TRPC4: variants seen among roughly 807,000 people sequenced by gnomAD.
TRPC4 encodes the protein short transient receptor potential channel 4.
A neutral mutation model predicts 99.4 loss-of-function variants in TRPC4; 49 were observed. The observed-to-expected ratio is 0.49, with a 90% CI of 0.39 to 0.63. The LOEUF (loss-of-function observed/expected upper bound fraction) is 0.63, where lower values mean the gene tolerates loss of function less well. Among genes scored for constraint, TRPC4 ranks in the 20% least tolerant of loss-of-function variants. The pLI is 0.00. For synonymous variants in TRPC4, 454 were observed against 425.9 expected (o/e 1.07, Z -0.81); for missense variants, 898 against 1,152.9 (o/e 0.78, Z 3.20).
rs953517468 is a variant in TRPC4, at chr13:37,633,502, G to T, written c.*3401C>A. Among the ~76,000 whole-genome samples the T allele has an allele frequency of 3.9e-5, 6 of 152,074 alleles. No individual in the cohort carries two copies. Among genetic ancestry groups the T allele is most frequent in the African/African-American group, 1.2e-4 (5 of 41,418 alleles). On this transcript the variant is annotated 3_prime_UTR_variant, in exon 11 of 11. Transcript: ENST00000379705. Reference sequence around the variant, plus strand: ...CTCAGCTAAATCCCAGAGTTATTAAGGATTATTGAATGTTAGAAGAATATA... The same window carrying T: ...CTCAGCTAAATCCCAGAGTTATTAATGATTATTGAATGTTAGAAGAATATA...
intron 6 of TRPC4, among the ~76,000 whole-genome samples, chr13:37,662,262 A>C (rs1952473288): frequency 6.6e-6 from 1 of 152,052 alleles, no homozygotes; most frequent in South Asian, 2.1e-4. Flanking sequence ...GTGAGCCAAG[A>C]TCACACCACT....
intron 1 of TRPC4, among the ~76,000 whole-genome samples, chr13:37,822,428 A>G (rs1320206368): frequency 2.6e-5 from 2 of 77,358 alleles, no homozygotes; most frequent in Non-Finnish European, 5.4e-5. Flanking sequence ...CTCCCCCCCC[A>G]CCCCACAACA....
At chr13:37,800,558 A>AT (rs1016691879) in intron 1 of TRPC4, among the ~76,000 whole-genome samples, 45 of 152,266 alleles carry the variant, frequency 3.0e-4, no homozygotes, top group African/African-American at 1.1e-3. Context: ...AAAAAGTATG[A>AT]TTTTTTATAA....
rs753311109 is a variant in TRPC4 at position 37,634,644 on chromosome 13, G to A, written c.*2259C>T. On this transcript the variant is annotated 3_prime_UTR_variant, in exon 11 of 11. Coordinates refer to ENST00000379705, the MANE Select transcript of TRPC4 (RefSeq NM_016179.4). Reference sequence around the variant, plus strand: ...AGAGAGAATTTGAAATTAAATTCTGGTAAAGTATGTAAAATGGTTATGTAT... The same window carrying A: ...AGAGAGAATTTGAAATTAAATTCTGATAAAGTATGTAAAATGGTTATGTAT... 9.2e-5 allele frequency among the ~76,000 whole-genome samples: 14 copies of A among 152,024 alleles called. No individual in the cohort carries two copies. The highest frequency in any genetic ancestry group is 9.2e-4 in the Admixed American group (14 of 15,232).
chr13:37,835,467 C>T (rs1252727591), intron 1 of TRPC4, among the ~76,000 whole-genome samples: 3 of 152,170 alleles, frequency 2.0e-5, no homozygotes, highest in Non-Finnish European at 4.4e-5. Context: ...CTTTATGATG[C>T]TGTACAAACA....
At chr13:37,692,473 G>C (rs112197615) in intron 3 of TRPC4, 138 bp from the exon 4 acceptor site, 14 of 815,228 alleles carry the variant, frequency 1.7e-5, no homozygotes, top group African/African-American at 1.0e-4. Context: ...CAATCAAAAG[G>C]CTTTAAGTCA....
In TRPC4 at chr13:37,663,486, A is replaced by G. The variant is rs1388470526; in HGVS notation, c.1618T>C (p.Tyr540His). The G allele has an allele frequency of 1.2e-6, 2 of 1,614,102 alleles. No individual in the cohort carries two copies. The highest frequency in any genetic ancestry group is 1.7e-5 in the Admixed American group (1 of 60,008). The part of the protein sequence containing the change: ...FANGLNQLYF[Y>H]YEETKGLTCK... The stretch of plus-strand genomic sequence containing the variant: ...GTTAACCCTTTCGTTTCTTCATAAT[A>G]GAAGTACAATTGATTTAGGCCATTT... Residue 540 changes from tyrosine (Y) to histidine (H), a missense_variant, in exon 6 of 11, where the codon TAT becomes CAT. Tyr to His is a moderately conservative substitution (Grantham distance 83). Transcript: ENST00000379705.
intron 1 of TRPC4, among the ~76,000 whole-genome samples, chr13:37,866,046 T>C (rs1291990393): frequency 4.0e-5 from 6 of 151,808 alleles, no homozygotes; most frequent in Non-Finnish European, 8.9e-5. Flanking sequence ...TGATAGTATT[T>C]GCTTGAAGTA....
intron 3 of TRPC4, among the ~76,000 whole-genome samples, chr13:37,706,246 T>C (rs1229974442): frequency 6.6e-6 from 1 of 152,206 alleles, no homozygotes; most frequent in South Asian, 2.1e-4. Flanking sequence ...AGGCATTAAC[T>C]GCTCATGTAA....
Position 37,796,968 on chromosome 13 carries a change from ATAAAGTAAAG to A in TRPC4, c.-27-13618_-27-13609del, listed in dbSNP as rs548354406. On this transcript the variant is annotated intron_variant, in intron 1 of 10. Coordinates refer to ENST00000379705, the MANE Select transcript of TRPC4 (RefSeq NM_016179.4). ...ATAAAATAAAATAAAATAAAATAAA[ATAAAGTAAAG>A]TAAAGTAAAGTAAAGTAAAGTAAAG... Among the ~76,000 whole-genome samples the A allele has an allele frequency of 4.2e-4, 48 of 115,120 alleles. 2 individuals carry two copies. Among genetic ancestry groups the A allele is most frequent in the African/African-American group, 1.6e-3 (41 of 26,226 alleles). 75.5% of individuals were successfully genotyped at this position (115,120 alleles called of 152,430 possible). A position where few individuals can be genotyped will look rare whatever the true frequency, so the allele number is the denominator to read the frequency against.
intron 2 of TRPC4, among the ~76,000 whole-genome samples, chr13:37,760,291 T>C (rs1268100262): frequency 6.6e-6 from 1 of 151,932 alleles, no homozygotes; most frequent in African/African-American, 2.4e-5. Flanking sequence ...CATTAAACTT[T>C]CCATACAGCT....
In TRPC4 at chr13:37,869,755, C is replaced by A. The variant is rs560387531; in HGVS notation, c.-188G>T. On this transcript the variant is annotated 5_prime_UTR_variant, in exon 1 of 11. Coordinates refer to ENST00000379705, the MANE Select transcript of TRPC4 (RefSeq NM_016179.4). ...GGAAAACGATCGAAGCTGGAGCCCA[C>A]GCAGCTGGCACCGAACTGGGCGGAG... is the stretch of plus-strand genomic sequence containing the variant. 6.6e-6 allele frequency: 1 copy of A among 152,222 alleles called. No individual in the cohort carries two copies. The highest frequency in any genetic ancestry group is 2.1e-4 in the South Asian group (1 of 4,816). The allele number at this position is 152,222 out of a possible 1,614,324, so 9.4% of individuals were successfully genotyped here. A position where few individuals can be genotyped will look rare whatever the true frequency, so the allele number is the denominator to read the frequency against.
chr13:37,732,815 T>C (rs897826639), intron 3 of TRPC4, among the ~76,000 whole-genome samples: 9 of 152,090 alleles, frequency 5.9e-5, no homozygotes, highest in African/African-American at 2.2e-4. Context: ...AAATAGTAGA[T>C]GACATAAACA....
intron 1 of TRPC4, among the ~76,000 whole-genome samples, chr13:37,822,635 G>A (rs1333283254): frequency 6.6e-6 from 1 of 151,720 alleles, no homozygotes; most frequent in African/African-American, 2.4e-5. Flanking sequence ...ATTCCATGGT[G>A]TATATGTGCC....
At chr13:37,783,887 T>C (rs956926006) in intron 1 of TRPC4, among the ~76,000 whole-genome samples, 1 of 152,048 alleles carries the variant, frequency 6.6e-6, no homozygotes. Flanking sequence ...TTGTTTTTTT[T>C]GGTAGAGACA....
intron 2 of TRPC4, among the ~76,000 whole-genome samples, chr13:37,781,864 C>T (rs1956850633): frequency 6.6e-6 from 1 of 151,842 alleles, no homozygotes; most frequent in Admixed American, 6.6e-5. Flanking sequence ...AGTTCTTTTC[C>T]TAATAATGGC....
chr13:37,762,921 T>C (rs1056197595), intron 2 of TRPC4, among the ~76,000 whole-genome samples: 4 of 150,682 alleles, frequency 2.7e-5, no homozygotes, highest in African/African-American at 9.7e-5. Flanking sequence ...GCAAAAGGGG[T>C]TATAAAGGAT....
In TRPC4 at chr13:37,635,629, T is replaced by C. The variant is rs911615326; in HGVS notation, c.*1274A>G. 3.3e-5 allele frequency among the ~76,000 whole-genome samples: 5 copies of C among 152,140 alleles called. No homozygotes were observed. Among genetic ancestry groups the C allele is most frequent in the African/African-American group, 9.7e-5 (4 of 41,436 alleles). ...TGATTTGAAATAAATGCTAATTTTATGTGGTGAAGAAACTTCCCGTAGTGG... is the reference window on the plus strand; with the variant it reads ...TGATTTGAAATAAATGCTAATTTTACGTGGTGAAGAAACTTCCCGTAGTGG... On this transcript the variant is annotated 3_prime_UTR_variant, in exon 11 of 11. Coordinates refer to ENST00000379705, the MANE Select transcript of TRPC4 (RefSeq NM_016179.4).
intron 1 of TRPC4, among the ~76,000 whole-genome samples, chr13:37,862,978 C>A (rs1359646153): frequency 6.6e-6 from 1 of 151,452 alleles, no homozygotes; most frequent in Non-Finnish European, 1.5e-5. Flanking sequence ...TGTTTAAATA[C>A]ACAAATACCT....
Sources: gnomAD v4.1 joint callset for allele counts (sites outside exome capture counted in the v4.1 genomes callset) on GRCh38, gnomAD v4.1.1 for gene constraint, MANE v1.5 for transcripts, NCBI Gene and HGNC (gene_info 2026-07-23, HGNC 2026-07-21) for gene names.